Variants in ST18 observed in about 807,000 individuals in gnomAD.
ST18 encodes the protein suppression of tumorigenicity 18 protein.
In ST18, 50 loss-of-function variants were observed where a neutral mutation model predicts 110.0. The observed-to-expected ratio is 0.45, with a 90% CI of 0.36 to 0.58. The LOEUF (loss-of-function observed/expected upper bound fraction) is 0.58. ST18 is among the 20% of genes least tolerant of loss of function. The pLI is 0.00. For missense variants in ST18, 1,306 were observed against 1,280.1 expected (o/e 1.02, Z -0.31); for synonymous variants, 461 against 452.4 (o/e 1.02, Z -0.24).
At chr8:52,314,797 T>C (rs1194716226) in intron 2 of ST18, among the ~76,000 whole-genome samples, 1 of 151,942 alleles carries the variant, frequency 6.6e-6, no homozygotes, top group East Asian at 1.9e-4. Flanking sequence ...GACTGCCTGG[T>C]CCTCCCTCCA....
At chr8:52,353,072 A>AG (rs928207574) in intron 2 of ST18, among the ~76,000 whole-genome samples, 3 of 152,236 alleles carry the variant, frequency 2.0e-5, no homozygotes, top group African/African-American at 7.2e-5. Context: ...GGCAGTGCAC[A>AG]GTGATCCAGC....
At chr8:52,317,901 T>C (rs2096059879) in intron 2 of ST18, among the ~76,000 whole-genome samples, 1 of 152,196 alleles carries the variant, frequency 6.6e-6, no homozygotes, top group African/African-American at 2.4e-5. Context: ...TATTGTACAT[T>C]TCTAAATTCA....
chr8:52,154,331 C>T (rs2059517850), intron 15 of ST18: 2 of 152,230 alleles, frequency 1.3e-5, no homozygotes, highest in South Asian at 2.1e-4. Flanking sequence ...AGACTTTGAA[C>T]TTTAAACATT....
At chr8:52,152,084 C>T (rs185305840) in intron 15 of ST18, among the ~76,000 whole-genome samples, 17 of 152,308 alleles carry the variant, frequency 1.1e-4, no homozygotes, top group East Asian at 5.8e-4. Flanking sequence ...TTAAAAGAGG[C>T]GCTTTCCTGC....
At chr8:52,280,493 C>A (rs552748383) in intron 2 of ST18, among the ~76,000 whole-genome samples, 98 of 151,716 alleles carry the variant, frequency 6.5e-4, no homozygotes, top group Admixed American at 1.6e-3. Flanking sequence ...TACACCTAGA[C>A]CTTAAGAACA....
At chr8:52,125,221 G>A (rs190250012) in intron 23 of ST18, among the ~76,000 whole-genome samples, 1 of 152,106 alleles carries the variant, frequency 6.6e-6, no homozygotes, top group Admixed American at 6.6e-5. Flanking sequence ...AATATCTAGG[G>A]AAATGTAGAT....
chr8:52,134,730 A>G (rs1379546209), intron 19 of ST18, among the ~76,000 whole-genome samples: 1 of 152,192 alleles, frequency 6.6e-6, no homozygotes, highest in Non-Finnish European at 1.5e-5. Flanking sequence ...CCATTATAAG[A>G]AAGTTTTACA....
intron 8 of ST18, among the ~76,000 whole-genome samples, chr8:52,198,947 G>A (rs903181575): frequency 3.3e-5 from 5 of 151,926 alleles, no homozygotes; most frequent in East Asian, 1.9e-4. Flanking sequence ...GCCCCACCAC[G>A]GAGCTGTGGG....
At chr8:52,355,215 G>A (rs756151906) in intron 2 of ST18, among the ~76,000 whole-genome samples, 7 of 152,116 alleles carry the variant, frequency 4.6e-5, no homozygotes, top group Non-Finnish European at 1.0e-4. Context: ...ACTCTATCAA[G>A]AAGTTCACAG....
At position 52,110,874 on chromosome 8, in the gene ST18, G is replaced by A. The variant is rs2040353153; in HGVS notation, c.*2324C>T. On this transcript the variant is annotated 3_prime_UTR_variant, in exon 26 of 26. Transcript: ENST00000689386. ...TTTTATTTCCTACCATACACCAAATGTACAGCACTGAACACAATTTTGTTG... is the reference window on the plus strand; with the variant it reads ...TTTTATTTCCTACCATACACCAAATATACAGCACTGAACACAATTTTGTTG... 1 of 387,532 alleles carries A rather than the reference G, an allele frequency of 2.6e-6. No individual in the cohort carries two copies. Among genetic ancestry groups the A allele is most frequent in the Non-Finnish European group, 4.6e-6 (1 of 218,974 alleles). The allele number at this position is 387,532 out of a possible 1,614,324, so 24.0% of individuals were successfully genotyped here. A position where few individuals can be genotyped will look rare whatever the true frequency, so the allele number is the denominator to read the frequency against.
At chr8:52,234,312 T>C (rs1009537294) in intron 2 of ST18, among the ~76,000 whole-genome samples, 1 of 152,164 alleles carries the variant, frequency 6.6e-6, no homozygotes, top group Non-Finnish European at 1.5e-5. Flanking sequence ...TCACCCAGGC[T>C]GGAGTGCAGT....
chr8:52,381,983 A>AAAC (rs1197877524), intron 2 of ST18, among the ~76,000 whole-genome samples: 5 of 150,964 alleles, frequency 3.3e-5, no homozygotes, highest in Non-Finnish European at 7.4e-5. Flanking sequence ...ACAAAAAAAA[A>AAAC]CAAAAAAACA....
intron 2 of ST18, among the ~76,000 whole-genome samples, chr8:52,293,251 A>G (rs986584667): frequency 6.6e-6 from 1 of 152,250 alleles, no homozygotes; most frequent in Non-Finnish European, 1.5e-5. Flanking sequence ...AGGAGGAAGC[A>G]CTGGCTGCTC....
intron 2 of ST18, among the ~76,000 whole-genome samples, chr8:52,233,300 T>C (rs2091925723): frequency 2.0e-5 from 3 of 152,194 alleles, no homozygotes; most frequent in African/African-American, 7.2e-5. Flanking sequence ...AATCTATTTC[T>C]GTTGCATAAA....
At chr8:52,270,721 G>T (rs950009325) in intron 2 of ST18, among the ~76,000 whole-genome samples, 3 of 152,052 alleles carry the variant, frequency 2.0e-5, no homozygotes, top group African/African-American at 7.2e-5. Context: ...GGTTGTTTGG[G>T]GGTGGTGCAG....
intron 2 of ST18, among the ~76,000 whole-genome samples, chr8:52,295,214 G>A (rs1413639719): frequency 6.6e-6 from 1 of 152,134 alleles, no homozygotes; most frequent in Admixed American, 6.5e-5. Context: ...ACTTAGATTG[G>A]AAATCAAAGA....
At chr8:52,209,724 C>T (rs930332593) in intron 8 of ST18, among the ~76,000 whole-genome samples, 1 of 137,970 alleles carries the variant, frequency 7.2e-6, no homozygotes, top group Non-Finnish European at 1.5e-5. Context: ...GAACCGAGAT[C>T]GTGCCATTGC....
At position 52,119,741 on chromosome 8, in the gene ST18, C is replaced by T. The variant is rs7015913; in HGVS notation, c.2756-1300G>A. Among the ~76,000 whole-genome samples, 216 of 151,840 alleles carry T rather than the reference C, an allele frequency of 1.4e-3. 2 individuals carry two copies. The highest frequency in any genetic ancestry group is 2.8e-3 in the Admixed American group (43 of 15,264). ...ACGGGAGATTCTTAGTAATTTAGTG[C>T]GAAGAGAAAAAAAGTAAGCCGAAAG... is the stretch of plus-strand genomic sequence containing the variant. On this transcript the variant is annotated intron_variant, in intron 23 of 25. Coordinates refer to ENST00000689386, the MANE Select transcript of ST18 (RefSeq NM_001352837.2).
chr8:52,262,651 A>T (rs2094730041), intron 2 of ST18, among the ~76,000 whole-genome samples: 1 of 152,238 alleles, frequency 6.6e-6, no homozygotes, highest in Non-Finnish European at 1.5e-5. Flanking sequence ...GATTTCTAAT[A>T]AAGCTAATAT....
Sources: allele counts gnomAD v4.1 joint callset (sites outside exome capture counted in the v4.1 genomes callset), GRCh38; gene constraint gnomAD v4.1.1; transcripts MANE v1.5; gene names NCBI Gene and HGNC (gene_info 2026-07-23, HGNC 2026-07-21).